The following TRIM40 variants were observed in gnomAD, a reference collection of about 807,000 sequenced individuals.
TRIM40 encodes the protein E3 ubiquitin ligase TRIM40.
TRIM40 carries 27 observed loss-of-function variants against 26.1 expected under a neutral mutation model. The observed-to-expected ratio is 1.04, with a 90% CI of 0.76 to 1.43. The LOEUF (loss-of-function observed/expected upper bound fraction) is 1.43, where lower values mean the gene tolerates loss of function less well. Among genes scored for constraint, TRIM40 ranks in the 40% most tolerant of loss-of-function variants. The probability of loss-of-function intolerance (pLI) is 0.00; values close to 1 mark genes in which losing one functional copy is unlikely to be tolerated. For missense variants in TRIM40, 289 were observed against 307.9 expected, an observed-to-expected ratio of 0.94 and a Z score of 0.46; for synonymous variants, 114 against 120.0, an observed-to-expected ratio of 0.95 and a Z score of 0.33.
intron 5 of TRIM40, 89 bp downstream of exon 5, chr6:30,147,631 G>A (rs111341450): frequency 0.021 from 33,039 of 1,610,334 alleles, 561 homozygotes; most frequent in Middle Eastern, 0.075. Context: ...CCACTGCTCC[G>A]TTAGCTTTTG....
chr6:30,146,108 T>G lies in TRIM40; in HGVS notation c.441+19T>G. ...TCTGCAGGTGGGTTTTTCGGGTTCC[T>G]GGGAAGGACTCCCTGGAGTGTTCTC... is the stretch of plus-strand genomic sequence containing the variant. On this transcript the variant is annotated intron_variant, in intron 3 of 5. Transcript: ENST00000396581. 1.3e-6 allele frequency: 2 copies of G among 1,592,742 alleles called. No homozygotes were observed. The highest frequency in any genetic ancestry group is 1.7e-6 in the Non-Finnish European group (2 of 1,163,500).
Position 30,146,983 on chromosome 6 carries a change from A to G in TRIM40, c.442-2A>G, listed in dbSNP as rs1771701058. 1 of 1,579,510 alleles carries G rather than the reference A, an allele frequency of 6.3e-7. No homozygotes were observed. On this transcript the variant is annotated splice_acceptor_variant, in intron 3 of 5. Coordinates refer to ENST00000396581, the MANE Select transcript of TRIM40 (RefSeq NM_001286633.2). LOFTEE classifies it high-confidence loss of function. The stretch of plus-strand genomic sequence containing the variant: ...GAGTCTTAGGGAGCCCCTTTCCTGT[A>G]GTTTCAGGTAGACCACGGGAACCAC...
chr6:30,141,474 G>C (rs770487131), intron 2 of TRIM40, among the ~76,000 whole-genome samples: 1 of 152,238 alleles, frequency 6.6e-6, no homozygotes, highest in Non-Finnish European at 1.5e-5. Context: ...AAAGGAGACA[G>C]GATGAGTTGC....
intron 2 of TRIM40, among the ~76,000 whole-genome samples, chr6:30,138,798 A>G (rs1771166169): frequency 6.6e-6 from 1 of 152,200 alleles, no homozygotes; most frequent in South Asian, 2.1e-4. Context: ...TGAACTTCCA[A>G]AGCTGAGGTA....
At chr6:30,147,274 T>G in intron 4 of TRIM40, 65 bp downstream of exon 4, 4 of 1,583,234 alleles carry the variant, frequency 2.5e-6, no homozygotes, top group Non-Finnish European at 3.5e-6. Context: ...CCCATCTGCA[T>G]CACCCTTCTG....
At chr6:30,147,672 C>G in intron 5 of TRIM40, 53 bp from the exon 6 acceptor site, 1 of 1,606,650 alleles carries the variant, frequency 6.2e-7, no homozygotes, top group South Asian at 1.1e-5. Flanking sequence ...AATGGAAGAG[C>G]CAATGGAATA....
intron 2 of TRIM40, 91 bp downstream of exon 2, chr6:30,137,472 C>T: frequency 9.2e-7 from 1 of 1,092,674 alleles, no homozygotes; most frequent in Non-Finnish European, 1.3e-6. Flanking sequence ...CTCAGAGTAG[C>T]TCAACAATGG....
At chr6:30,142,932 T>C (rs1038588572) in intron 2 of TRIM40, among the ~76,000 whole-genome samples, 1 of 152,166 alleles carries the variant, frequency 6.6e-6, no homozygotes, top group Non-Finnish European at 1.5e-5. Context: ...ATGGTTTATT[T>C]TTAAATCTAG....
intron 3 of TRIM40, among the ~76,000 whole-genome samples, chr6:30,146,715 T>C (rs2127427535): frequency 6.6e-6 from 1 of 152,352 alleles, no homozygotes; most frequent in Middle Eastern, 3.4e-3. Flanking sequence ...CCGGCCGCCA[T>C]AGGCCTCCAT....
At chr6:30,146,353 C>G (rs937640458) in intron 3 of TRIM40, among the ~76,000 whole-genome samples, 47 of 152,146 alleles carry the variant, frequency 3.1e-4, no homozygotes, top group African/African-American at 1.0e-3. Flanking sequence ...TCAAAGGAGA[C>G]CAGTGTCTCG....
In TRIM40 at chr6:30,137,284, A is replaced by G; in HGVS notation, c.248A>G (p.Glu83Gly). The change falls in exon 2 of 6, where the codon GAG becomes GGG. Residue 83 changes from glutamate to glycine, a missense_variant. Transcript: ENST00000396581. ...NHQKRVCRFC[E>G]ESRLLLCVEC... ...CAGAAGAGGGTGTGCAGGTTCTGTG[A>G]GGAGAGCAGACTTCTTCTATGTGTG... 1.2e-6 allele frequency: 2 copies of G among 1,613,034 alleles called. No homozygotes were observed. Among genetic ancestry groups the G allele is most frequent in the Non-Finnish European group, 1.7e-6 (2 of 1,180,012 alleles).
intron 2 of TRIM40, among the ~76,000 whole-genome samples, chr6:30,142,409 G>A (rs530188855): frequency 6.6e-6 from 1 of 152,258 alleles, no homozygotes; most frequent in South Asian, 2.1e-4. Flanking sequence ...ATGAAGACTC[G>A]CTGTCTGCAT....
intron 2 of TRIM40, among the ~76,000 whole-genome samples, chr6:30,144,547 GC>G (rs1487543138): frequency 6.6e-6 from 1 of 152,132 alleles, no homozygotes; most frequent in Non-Finnish European, 1.5e-5. Context: ...CAACTTCAAG[GC>G]TCCTTTTTAC....
intron 5 of TRIM40, 80 bp from the exon 6 acceptor site, chr6:30,147,645 C>A (rs915561476): frequency 6.8e-6 from 11 of 1,607,442 alleles, no homozygotes; most frequent in Non-Finnish European, 9.4e-6. Context: ...GCTTTTGTAT[C>A]TTGATGCTAC....
rs28780086 is a variant in TRIM40 at position 30,137,377 on chromosome 6, A to C, written c.341A>C (p.Tyr114Ser). 74 of 1,611,108 alleles carry C rather than the reference A, an allele frequency of 4.6e-5. 1 individual carries two copies. In the East Asian group the frequency reaches 1.6e-3, roughly 36 times the overall value. The change falls in exon 2 of 6, where the codon TAC becomes TCC. Residue 114 changes from tyrosine to serine, a missense_variant. Transcript: ENST00000396581. Reference sequence around the variant, plus strand: ...ACCATTGAAAATGCCCTCAGCCACTACAAGGTAAGCCTGGGTCACCGCAGC... The same window carrying C: ...ACCATTGAAAATGCCCTCAGCCACTCCAAGGTAAGCCTGGGTCACCGCAGC... ...ELTIENALSH[Y>S]KERLNRRSRK... is the part of the protein sequence containing the mutation.
chr6:30,137,242 A>G lies in TRIM40; in HGVS notation c.206A>G (p.Tyr69Cys), dbSNP rs1235617552. The G allele has an allele frequency of 1.2e-6, 2 of 1,613,052 alleles. No individual in the cohort carries two copies. The highest frequency in any genetic ancestry group is 1.7e-6 in the Non-Finnish European group (2 of 1,180,022). The change falls in exon 2 of 6, where the codon TAT (tyrosine) becomes TGT (cysteine). Residue 69 changes from tyrosine (Y) to cysteine (C), a missense_variant. Physicochemically the swap from Tyr to Cys is radical, Grantham distance 194 (BLOSUM62 -2). Transcript: ENST00000396581. ...TCTGAGGAGGTGCTAGGGACAGGCT[A>G]TATCTGCCCCAACCACCAGAAGAGG... ...PCSEEVLGTG[Y>C]ICPNHQKRVC...
Position 30,137,294 on chromosome 6 carries a change from A to C in TRIM40, c.258A>C (p.Arg86Ser), listed in dbSNP as rs751788900. 6.2e-7 allele frequency: 1 copy of C among 1,612,976 alleles called. No homozygotes were observed. The highest frequency in any genetic ancestry group is 8.5e-7 in the Non-Finnish European group (1 of 1,180,016). Residue 86 changes from arginine (R) to serine (S), a missense_variant, in exon 2 of 6, where the codon AGA becomes AGC. Coordinates refer to ENST00000396581, the MANE Select transcript of TRIM40 (RefSeq NM_001286633.2). ...KRVCRFCEES[R>S]LLLCVECLVS... ...TGTGCAGGTTCTGTGAGGAGAGCAGACTTCTTCTATGTGTGGAATGCCTGG... is the reference window on the plus strand; with the variant it reads ...TGTGCAGGTTCTGTGAGGAGAGCAGCCTTCTTCTATGTGTGGAATGCCTGG...
At chr6:30,139,067 T>G (rs1009526920) in intron 2 of TRIM40, among the ~76,000 whole-genome samples, 8 of 152,248 alleles carry the variant, frequency 5.3e-5, no homozygotes, top group African/African-American at 1.9e-4. Context: ...CTGTCCTTTG[T>G]GTTAGATGTC....
chr6:30,148,733 G>C (rs1454763283), downstream of TRIM40: 1 of 152,198 alleles, frequency 6.6e-6, no homozygotes, highest in East Asian at 1.9e-4. Flanking sequence ...GTGTTTTTTT[G>C]TTTTCTGTTT....
Sources: allele counts gnomAD v4.1 joint callset (sites outside exome capture counted in the v4.1 genomes callset), GRCh38; gene constraint gnomAD v4.1.1; transcripts MANE v1.5; gene names NCBI Gene and HGNC (gene_info 2026-07-23, HGNC 2026-07-21).